Variants in SERPINA11 observed in about 807,000 individuals in gnomAD.
SERPINA11 encodes the protein serpin A11.
A neutral mutation model predicts 29.4 loss-of-function variants in SERPINA11; 28 were observed. The observed-to-expected ratio is 0.95, with a 90% CI of 0.70 to 1.30. The LOEUF is 1.30. SERPINA11 is among the 50% of genes most tolerant of loss of function. The probability of loss-of-function intolerance (pLI) is 0.00; values close to 1 mark genes in which losing one functional copy is unlikely to be tolerated. For synonymous variants in SERPINA11, 253 were observed against 206.6 expected (o/e 1.22, Z -1.92); for missense variants, 530 against 507.3 (o/e 1.04, Z -0.43).
Position 94,442,714 on chromosome 14 carries a change from C to A in SERPINA11, c.1161G>T (p.Met387Ile), listed in dbSNP as rs115765596. Residue 387 changes from methionine to isoleucine, a missense_variant, in exon 5 of 5, where the codon ATG (methionine) becomes ATT (isoleucine). By Grantham distance (10) the Met-to-Ile change is conservative. Transcript: ENST00000334708. ...TGTTGAAGTGGGCATGTGGGTCTGA[C>A]ATGGTGTTCAGAGATGGGGGCTGGG... Reference protein sequence around the residue: ...LLSQPPSLNTMSDPHAHFNRP... With the variant: ...LLSQPPSLNTISDPHAHFNRP... The A allele has an allele frequency of 1.3e-5, 21 of 1,613,604 alleles. No individual in the cohort carries two copies. The African/African-American group carries it at 2.3e-4, about 17-fold the overall frequency.
chr14:94,449,252 C>T (rs183036430), intron 1 of SERPINA11, among the ~76,000 whole-genome samples: 2 of 152,134 alleles, frequency 1.3e-5, no homozygotes, highest in East Asian at 3.9e-4. Context: ...GGGAGAATCG[C>T]TTGGGCCTGG....
At chr14:94,449,406 ATTCTTTCTTTCTTTCTTTCTTTCT>A (rs869124586) in intron 1 of SERPINA11, among the ~76,000 whole-genome samples, 39 of 40,728 alleles carry the variant, frequency 9.6e-4, no homozygotes, top group South Asian at 1.7e-3. Flanking sequence ...CTTTCTTTCT[ATTCTTTCTTTCTTTCTTTCTTTCT>A]TTCTTTCTTT....
intron 2 of SERPINA11, among the ~76,000 whole-genome samples, 178 bp from the exon 3 acceptor site, chr14:94,446,782 A>C (rs925575233): frequency 6.6e-6 from 1 of 152,238 alleles, no homozygotes. Context: ...ACAAGTCACC[A>C]GTGTTTGAGC....
Position 94,448,719 on chromosome 14 carries a change from C to T in SERPINA11, c.56G>A (p.Cys19Tyr), listed in dbSNP as rs1023629419. The T allele has an allele frequency of 1.3e-6, 2 of 1,525,528 alleles. No individual in the cohort carries two copies. The highest frequency in any genetic ancestry group is 1.8e-6 in the Non-Finnish European group (2 of 1,138,528). The allele number at this position is 1,525,528 out of a possible 1,614,324, so 94.5% of individuals were successfully genotyped here. A position where few individuals can be genotyped will look rare whatever the true frequency, so the allele number is the denominator to read the frequency against. The change falls in exon 2 of 5, where the codon TGT (cysteine) becomes TAT (tyrosine). Residue 19 changes from cysteine (C) to tyrosine (Y), a missense_variant. Coordinates refer to ENST00000334708, the MANE Select transcript of SERPINA11 (RefSeq NM_001080451.2). ...ATCTCCATGGGCAAGAAGGGGCTGACAGTGGACAGAGGCCAGGATCCCTGT... is the reference window on the plus strand; with the variant it reads ...ATCTCCATGGGCAAGAAGGGGCTGATAGTGGACAGAGGCCAGGATCCCTGT... ...LGTGILASVH[C>Y]QPLLAHGDKS...
intron 4 of SERPINA11, 38 bp downstream of exon 4, chr14:94,443,040 C>A (rs748320889): frequency 1.2e-5 from 19 of 1,583,788 alleles, no homozygotes; most frequent in East Asian, 2.2e-5. Context: ...TCCTACCTAC[C>A]CCCACCTGCC....
At chr14:94,450,272 G>C (rs1396563565) in intron 1 of SERPINA11, among the ~76,000 whole-genome samples, 1 of 152,184 alleles carries the variant, frequency 6.6e-6, no homozygotes, top group African/African-American at 2.4e-5. Context: ...AGTATCTCCA[G>C]ATATGATCTT....
chr14:94,446,334 G>A lies in SERPINA11; in HGVS notation c.914C>T (p.Pro305Leu). The A allele has an allele frequency of 6.2e-7, 1 of 1,612,444 alleles. No homozygotes were observed. The highest frequency in any genetic ancestry group is 8.5e-7 in the Non-Finnish European group (1 of 1,179,686). Residue 305 changes from proline to leucine, a missense_variant, in exon 3 of 5, where the codon CCC becomes CTC. Pro to Leu is a moderately conservative substitution (Grantham distance 98). Coordinates refer to ENST00000334708, the MANE Select transcript of SERPINA11 (RefSeq NM_001080451.2). ...TLRKWGQLLL[P>L]SLLDLHLPRF... ...ATCCTTCTGCTGTGACACTTACCTG[G>A]GCAGGAGCAATTGGCCCCATTTTCT...
intron 1 of SERPINA11, among the ~76,000 whole-genome samples, chr14:94,449,492 TC>T (rs1229183742): frequency 2.5e-5 from 3 of 118,648 alleles, no homozygotes; most frequent in African/African-American, 1.3e-4. Context: ...TGTCTGTCTG[TC>T]TTTCTTTCTC....
Position 94,449,455 on chromosome 14 carries a change from T to G in SERPINA11, c.-3-678A>C, listed in dbSNP as rs996903101. Among the ~76,000 whole-genome samples, 290 of 97,794 alleles carry G rather than the reference T, an allele frequency of 3.0e-3. 8 individuals carry two copies. Among genetic ancestry groups the G allele is most frequent in the East Asian group, 0.017 (76 of 4,406 alleles). 64.2% of individuals were successfully genotyped at this position (97,794 alleles called of 152,430 possible). On this transcript the variant is annotated intron_variant, in intron 1 of 4. Transcript: ENST00000334708. ...TTTCTTTCTTTCTTTCTTTCTTTCTTTCTTTCTTTCTTTCTTTCTTTCTTT... is the reference window on the plus strand; with the variant it reads ...TTTCTTTCTTTCTTTCTTTCTTTCTGTCTTTCTTTCTTTCTTTCTTTCTTT...
rs540358400 is a variant in SERPINA11, at chr14:94,447,671, C to A, written c.643+461G>T. On this transcript the variant is annotated intron_variant, in intron 2 of 4. Coordinates refer to ENST00000334708, the MANE Select transcript of SERPINA11 (RefSeq NM_001080451.2). ...CTCTTGGTTTCTTCCTATTATTCTG[C>A]TATTGTGTTTGATGTTCTATCCCAA... Among the ~76,000 whole-genome samples, 14 of 152,356 alleles carry A rather than the reference C, an allele frequency of 9.2e-5. 1 individual carries two copies. In the South Asian group the frequency reaches 2.3e-3, roughly 25 times the overall value.
Position 94,448,521 on chromosome 14 carries a change from G to A in SERPINA11, c.254C>T (p.Ala85Val). The part of the protein sequence containing the change: ...FSPVSISTTL[A>V]LLSLGAQANT... ...AGCTTGGGCCCCAAGAGAGAGCAGGGCCAGGGTGGTGGAGATGCTCACTGG... is the reference window on the plus strand; with the variant it reads ...AGCTTGGGCCCCAAGAGAGAGCAGGACCAGGGTGGTGGAGATGCTCACTGG... The change falls in exon 2 of 5, where the codon GCC becomes GTC. Residue 85 changes from alanine to valine, a missense_variant. Ala to Val is a moderately conservative substitution (Grantham distance 64). Coordinates refer to ENST00000334708, the MANE Select transcript of SERPINA11 (RefSeq NM_001080451.2). 6.2e-7 allele frequency: 1 copy of A among 1,614,200 alleles called. No homozygotes were observed. Among genetic ancestry groups the A allele is most frequent in the Non-Finnish European group, 8.5e-7 (1 of 1,180,040 alleles).
Position 94,448,745 on chromosome 14 carries a change from TC to T in SERPINA11, c.29del (p.Gly10GlufsTer69), listed in dbSNP as rs746442919. MGPAWLWLL[G>X]TGILASVHCQ... ...AGTGGACAGAGGCCAGGATCCCTGT[TC>T]CCAGTAGCCAAAGCCAAGCTGGACC... is the stretch of plus-strand genomic sequence containing the variant. On this transcript the variant is annotated frameshift_variant, in exon 2 of 5. Transcript: ENST00000334708. LOFTEE classifies it high-confidence loss of function. The T allele has an allele frequency of 6.6e-7, 1 of 1,514,240 alleles. No individual in the cohort carries two copies. The highest frequency in any genetic ancestry group is 8.8e-7 in the Non-Finnish European group (1 of 1,132,730). The allele number at this position is 1,514,240 out of a possible 1,614,324, so 93.8% of individuals were successfully genotyped here.
intron 3 of SERPINA11, among the ~76,000 whole-genome samples, chr14:94,443,601 C>T (rs942784550): frequency 2.6e-5 from 4 of 152,204 alleles, no homozygotes; most frequent in Non-Finnish European, 4.4e-5. Context: ...TTCCCACTTC[C>T]GTATCTGATG....
chr14:94,446,384 C>T lies in SERPINA11; in HGVS notation c.864G>A (p.Glu288=), dbSNP rs766391996. ...LPDPGKMKQV[E]AALQPQTLRK... ...TCAGGGTCTGTGGCTGCAGAGCAGC[C>T]TCCACCTGCTTCATTTTCCCCGGGT... The change falls in exon 3 of 5, where the codon GAG becomes GAA. Residue 288 remains glutamate (E), a synonymous_variant. Transcript: ENST00000334708. 8 of 1,613,940 alleles carry T rather than the reference C, an allele frequency of 5.0e-6. No individual in the cohort carries two copies. The highest frequency in any genetic ancestry group is 6.8e-6 in the Non-Finnish European group (8 of 1,179,968).
At position 94,448,361 on chromosome 14, in the gene SERPINA11, T is replaced by G; in HGVS notation, c.414A>C (p.Gly138=). The change falls in exon 2 of 5, where the codon GGA becomes GGC. Residue 138 remains glycine (G), a synonymous_variant. Transcript: ENST00000334708. The stretch of plus-strand genomic sequence containing the variant: ...GTCGCTTGTCTAGGAACAGGGAGTT[T>G]CCTACTTTTAGTTCGAGTTTGGGGC... ...LPSPKLELKV[G]NSLFLDKRLK... The G allele has an allele frequency of 6.2e-7, 1 of 1,614,222 alleles. No homozygotes were observed. Among genetic ancestry groups the G allele is most frequent in the African/African-American group, 1.3e-5 (1 of 75,062 alleles).
intron 1 of SERPINA11, among the ~76,000 whole-genome samples, chr14:94,449,681 G>A (rs908806429): frequency 2.0e-5 from 3 of 151,398 alleles, no homozygotes; most frequent in South Asian, 4.2e-4. Flanking sequence ...CCAAGAGGTA[G>A]CTAGGTCCTC....
chr14:94,446,754 C>G (rs1898447353), intron 2 of SERPINA11, 150 bp from the exon 3 acceptor site: 4 of 731,138 alleles, frequency 5.5e-6, no homozygotes, highest in African/African-American at 1.8e-5. Flanking sequence ...AGAATTTAGG[C>G]CTGGCTCAGT....
At position 94,448,264 on chromosome 14, in the gene SERPINA11, T is replaced by C; in HGVS notation, c.511A>G (p.Thr171Ala). The change falls in exon 2 of 5, where the codon ACA becomes GCA. Residue 171 changes from threonine to alanine, a missense_variant. Physicochemically the swap from Thr to Ala is moderately conservative, Grantham distance 58. Coordinates refer to ENST00000334708, the MANE Select transcript of SERPINA11 (RefSeq NM_001080451.2). ...YGAFAFSANF[T>A]DSVTTGRQIN... ...TGCCTCCCAGTTGTAACAGAATCTG[T>C]GAAGTTGGCAGAAAAAGCAAAAGCT... 6.2e-7 allele frequency: 1 copy of C among 1,614,206 alleles called. No homozygotes were observed. Among genetic ancestry groups the C allele is most frequent in the Non-Finnish European group, 8.5e-7 (1 of 1,180,042 alleles).
chr14:94,447,626 T>C (rs1411026730), intron 2 of SERPINA11, among the ~76,000 whole-genome samples: 1 of 152,246 alleles, frequency 6.6e-6, no homozygotes. Context: ...AACCTGGCCT[T>C]GTTTCCCTCT....
Sources: gnomAD v4.1 joint callset for allele counts (sites outside exome capture counted in the v4.1 genomes callset) on GRCh38, gnomAD v4.1.1 for gene constraint, MANE v1.5 for transcripts, NCBI Gene and HGNC (gene_info 2026-07-23, HGNC 2026-07-21) for gene names.